The following BCL11A variants were observed in gnomAD, a reference collection of about 807,000 sequenced individuals.
BCL11A encodes B cell CLL/lymphoma 11A.
Under a neutral mutation model 55.9 loss-of-function variants are expected in BCL11A, and 2 were observed. The observed-to-expected ratio is 0.04, with a 90% CI of 0.01 to 0.11. The LOEUF (loss-of-function observed/expected upper bound fraction) is 0.11, where lower values mean the gene tolerates loss of function less well. Among genes scored for constraint, BCL11A ranks in the 10% least tolerant of loss-of-function variants. The pLI, the probability that BCL11A is intolerant of heterozygous loss-of-function variation, is 1.00. For missense variants in BCL11A, 817 were observed against 1,137.1 expected (o/e 0.72, Z 4.05); for synonymous variants, 465 against 473.4 (o/e 0.98, Z 0.23).
chr2:60,521,416 C>A (rs1668987262), intron 2 of BCL11A, among the ~76,000 whole-genome samples: 1 of 152,250 alleles, frequency 6.6e-6, no homozygotes, highest in East Asian at 1.9e-4. Context: ...CCAGTCTCAG[C>A]TTCCAGGCAG....
At chr2:60,495,921 G>A (rs990910186) in intron 2 of BCL11A, among the ~76,000 whole-genome samples, 5 of 151,900 alleles carry the variant, frequency 3.3e-5, no homozygotes, top group African/African-American at 1.2e-4. Flanking sequence ...TCATTTTTCT[G>A]AGAGTCTCTA....
At chr2:60,478,465 T>C (rs893523791) in intron 2 of BCL11A, among the ~76,000 whole-genome samples, 8 of 152,200 alleles carry the variant, frequency 5.3e-5, no homozygotes, top group Non-Finnish European at 1.2e-4. Flanking sequence ...TCTGGCACTA[T>C]TGAGTGACTG....
At chr2:60,465,011 T>C (rs1344608374) in intron 3 of BCL11A, among the ~76,000 whole-genome samples, 2 of 152,226 alleles carry the variant, frequency 1.3e-5, no homozygotes, top group Non-Finnish European at 2.9e-5. Flanking sequence ...AGAAGGGCTG[T>C]TACGATTGAG....
At chr2:60,522,332 G>T (rs976103196) in intron 2 of BCL11A, 1 of 151,710 alleles carries the variant, frequency 6.6e-6, no homozygotes, top group Non-Finnish European at 1.5e-5. Flanking sequence ...ATAGGAACTC[G>T]TTTTTTTTCT....
Position 60,459,190 on chromosome 2 carries a change from A to G in BCL11A, c.*1214T>C. The G allele has an allele frequency of 9.8e-7, 1 of 1,022,288 alleles. No individual in the cohort carries two copies. Among genetic ancestry groups the G allele is most frequent in the African/African-American group, 1.7e-5 (1 of 58,808 alleles). The allele number at this position is 1,022,288 out of a possible 1,614,324, so 63.3% of individuals were successfully genotyped here. ...TTATTGTCAGCCTCTTCCTTTCAATATGGTATACAAGGTCTTAAAGTTTAT... is the reference window on the plus strand; with the variant it reads ...TTATTGTCAGCCTCTTCCTTTCAATGTGGTATACAAGGTCTTAAAGTTTAT... On this transcript the variant is annotated 3_prime_UTR_variant, in exon 4 of 4. Coordinates refer to ENST00000642384, the MANE Select transcript of BCL11A (RefSeq NM_022893.4).
chr2:60,542,654 T>C (rs1669974314), intron 2 of BCL11A: 1 of 152,232 alleles, frequency 6.6e-6, no homozygotes, highest in Admixed American at 6.5e-5. Flanking sequence ...AACATCTATG[T>C]GTACAGCTCA....
chr2:60,452,504 A>G, downstream of BCL11A: 1 of 1,241,440 alleles, frequency 8.1e-7, no homozygotes, highest in South Asian at 1.2e-5. Flanking sequence ...ACAAACTAGC[A>G]GGATGACAGA....
Position 60,459,308 on chromosome 2 carries a change from C to T in BCL11A, c.*1096G>A, listed in dbSNP as rs1676102797. 1 of 1,016,316 alleles carries T rather than the reference C, an allele frequency of 9.8e-7. No individual in the cohort carries two copies. Among genetic ancestry groups the T allele is most frequent in the African/African-American group, 1.7e-5 (1 of 58,492 alleles). 63.0% of individuals were successfully genotyped at this position (1,016,316 alleles called of 1,614,324 possible). A position where few individuals can be genotyped will look rare whatever the true frequency, so the allele number is the denominator to read the frequency against. ...AAGACATTATTAAAGCAAATATCTT[C>T]ATAAAATGAACTCCTTACTAGTGTA... On this transcript the variant is annotated 3_prime_UTR_variant, in exon 4 of 4. Coordinates refer to ENST00000642384, the MANE Select transcript of BCL11A (RefSeq NM_022893.4).
At chr2:60,539,385 C>G (rs1354219792) in intron 2 of BCL11A, among the ~76,000 whole-genome samples, 1 of 152,254 alleles carries the variant, frequency 6.6e-6, no homozygotes, top group Non-Finnish European at 1.5e-5. Context: ...AAATCCTTCC[C>G]TTGCCAACCT....
At chr2:60,501,688 T>C (rs1679291712) in intron 2 of BCL11A, among the ~76,000 whole-genome samples, 1 of 151,898 alleles carries the variant, frequency 6.6e-6, no homozygotes, top group Admixed American at 6.6e-5. Flanking sequence ...ATATTTTTAA[T>C]AGAGATGAGG....
intron 2 of BCL11A, among the ~76,000 whole-genome samples, chr2:60,494,886 A>G (rs528546318): frequency 1.8e-4 from 27 of 152,272 alleles, no homozygotes; most frequent in Non-Finnish European, 3.2e-4. Flanking sequence ...AAGGGAGAGG[A>G]AAAAGGAAAA....
At chr2:60,553,855 G>C (rs1327692065), upstream of BCL11A, 2 of 147,966 alleles carry the variant, frequency 1.4e-5, no homozygotes, top group African/African-American at 5.0e-5. Flanking sequence ...CGAGGGGAGG[G>C]GGCGCTGGGG....
chr2:60,473,890 C>T (rs970237313), intron 2 of BCL11A, among the ~76,000 whole-genome samples: 4 of 151,992 alleles, frequency 2.6e-5, no homozygotes, highest in Non-Finnish European at 1.5e-5. Flanking sequence ...ATTTTTTTTC[C>T]TTCATTGCTT....
At chr2:60,457,157 A>T (rs1459107823), downstream of BCL11A, 4 of 751,514 alleles carry the variant, frequency 5.3e-6, no homozygotes, top group Non-Finnish European at 6.5e-6. Context: ...AGTAATTTAC[A>T]GAGTGTGTCA....
chr2:60,549,466 G>A (rs1354848233), intron 1 of BCL11A, among the ~76,000 whole-genome samples: 1 of 152,230 alleles, frequency 6.6e-6, no homozygotes, highest in Admixed American at 6.5e-5. Flanking sequence ...CAAAGCCGGG[G>A]GCTACAGGCC....
intron 2 of BCL11A, among the ~76,000 whole-genome samples, chr2:60,521,067 G>GCACA (rs58564312): frequency 0.022 from 2,596 of 117,732 alleles, 34 homozygotes; most frequent in African/African-American, 0.047. Context: ...CTAGTGGTCA[G>GCACA]CACACACACA....
chr2:60,464,449 C>T (rs978575514), intron 3 of BCL11A, among the ~76,000 whole-genome samples: 15 of 152,198 alleles, frequency 9.9e-5, no homozygotes, highest in African/African-American at 3.4e-4. Flanking sequence ...TCCTCTGTGG[C>T]TTCCTCCTTG....
At position 60,458,202 on chromosome 2, in the gene BCL11A, A is replaced by G; in HGVS notation, c.*2202T>C. 9.8e-7 allele frequency: 1 copy of G among 1,025,124 alleles called. No homozygotes were observed. The highest frequency in any genetic ancestry group is 1.7e-5 in the African/African-American group (1 of 59,054). 63.5% of individuals were successfully genotyped at this position (1,025,124 alleles called of 1,614,324 possible). A position where few individuals can be genotyped will look rare whatever the true frequency, so the allele number is the denominator to read the frequency against. On this transcript the variant is annotated 3_prime_UTR_variant, in exon 4 of 4. Transcript: ENST00000642384. ...AAAAAGACCATAAATGTATTTTAGC[A>G]TAGGAATCAACATGAGTGTGCATTT...
chr2:60,476,215 A>G (rs1398607880), intron 2 of BCL11A, among the ~76,000 whole-genome samples: 1 of 152,144 alleles, frequency 6.6e-6, no homozygotes, highest in African/African-American at 2.4e-5. Flanking sequence ...AGGCTTAGAG[A>G]GTGAGCCTGA....
Sources: gnomAD v4.1 joint callset for allele counts (sites outside exome capture counted in the v4.1 genomes callset) on GRCh38, gnomAD v4.1.1 for gene constraint, MANE v1.5 for transcripts, NCBI Gene and HGNC (gene_info 2026-07-23, HGNC 2026-07-21) for gene names.